EDEM3: variants seen among roughly 807,000 people sequenced by gnomAD.
EDEM3 encodes ER degradation-enhancing alpha-mannosidase-like protein 3.
In EDEM3, 60 loss-of-function variants were observed where a neutral mutation model predicts 110.2. That is an observed-to-expected ratio of 0.54 (90% CI 0.44 to 0.67). The LOEUF (loss-of-function observed/expected upper bound fraction) is 0.67. Ranked by LOEUF, EDEM3 falls within the 30% of genes least tolerant of loss-of-function variation. EDEM3 has a pLI of 0.00. For missense variants in EDEM3, 996 were observed against 1,121.0 expected, an observed-to-expected ratio of 0.89 and a Z score of 1.59; for synonymous variants, 352 against 382.9, an observed-to-expected ratio of 0.92 and a Z score of 0.94.
intron 13 of EDEM3, among the ~76,000 whole-genome samples, chr1:184,716,594 A>C (rs530613180): frequency 6.6e-6 from 1 of 152,300 alleles, no homozygotes; most frequent in Non-Finnish European, 1.5e-5. Flanking sequence ...AAGAAGAAAA[A>C]AAGCCACATT....
At chr1:184,733,103 AATTACTTAAAC>A in intron 5 of EDEM3, 113 bp from the exon 6 acceptor site, 1 of 1,102,826 alleles carries the variant, frequency 9.1e-7, no homozygotes, top group Non-Finnish European at 1.2e-6. Context: ...GAAAGACAAA[AATTACTTAAAC>A]ATTATTTACT....
chr1:184,740,598 G>A lies in EDEM3; in HGVS notation c.205-2887C>T, dbSNP rs148548299. On this transcript the variant is annotated intron_variant, in intron 2 of 19. Coordinates refer to ENST00000318130, the MANE Select transcript of EDEM3 (RefSeq NM_025191.4). ...GGTGAGTGTATGTTGCCTCCTAGTCGCCCCGTGATAATCCTATGTAATAGT... is the reference window on the plus strand; with the variant it reads ...GGTGAGTGTATGTTGCCTCCTAGTCACCCCGTGATAATCCTATGTAATAGT... 3.0e-3 allele frequency among the ~76,000 whole-genome samples: 451 copies of A among 152,168 alleles called. 5 individuals are homozygous for A. In the East Asian group the frequency reaches 0.036, roughly 12 times the overall value.
intron 13 of EDEM3, among the ~76,000 whole-genome samples, chr1:184,716,591 A>G (rs1650561995): frequency 6.6e-6 from 1 of 152,182 alleles, no homozygotes; most frequent in Admixed American, 6.5e-5. Flanking sequence ...TCAAAGAAGA[A>G]AAAAAGCCAC....
chr1:184,751,033 C>T (rs1374522357), intron 1 of EDEM3, among the ~76,000 whole-genome samples: 1 of 144,638 alleles, frequency 6.9e-6, no homozygotes, highest in Non-Finnish European at 1.5e-5. Context: ...AAATCAAGTA[C>T]ACTCAAACTT....
intron 5 of EDEM3, among the ~76,000 whole-genome samples, chr1:184,733,503 A>C (rs1371395010): frequency 6.6e-6 from 1 of 152,234 alleles, no homozygotes; most frequent in East Asian, 1.9e-4. Context: ...TAATATTGAA[A>C]CTTGAACTAA....
intron 6 of EDEM3, among the ~76,000 whole-genome samples, chr1:184,730,432 T>A (rs1571396930): frequency 6.6e-6 from 1 of 151,874 alleles, no homozygotes; most frequent in Non-Finnish European, 1.5e-5. Flanking sequence ...AAATTTTTTT[T>A]AAAAATCAGC....
At chr1:184,703,327 G>A (rs764476526) in intron 18 of EDEM3, among the ~76,000 whole-genome samples, 13 of 152,040 alleles carry the variant, frequency 8.6e-5, no homozygotes, top group Non-Finnish European at 1.0e-4. Context: ...AGAATTCTAT[G>A]ATTATGACTA....
chr1:184,705,594 T>C (rs1649869806), intron 18 of EDEM3, among the ~76,000 whole-genome samples: 2 of 152,192 alleles, frequency 1.3e-5, no homozygotes, highest in Admixed American at 1.3e-4. Context: ...TCTCCTAATG[T>C]TTATTAATAA....
At chr1:184,705,166 CAAAG>C (rs1649848884) in intron 18 of EDEM3, among the ~76,000 whole-genome samples, 1 of 152,116 alleles carries the variant, frequency 6.6e-6, no homozygotes, top group Non-Finnish European at 1.5e-5. Context: ...AAATACTACA[CAAAG>C]AAATATTTTT....
In EDEM3 at chr1:184,716,343, A is replaced by G. The variant is rs192111572; in HGVS notation, c.1370+545T>C. On this transcript the variant is annotated intron_variant, in intron 13 of 19. Transcript: ENST00000318130. ...AGATAAGTGATCTTAGAATAAGGAG[A>G]ATGCTTGTGAATTTCATGTGGAGCA... is the stretch of plus-strand genomic sequence containing the variant. Among the ~76,000 whole-genome samples, 4 of 152,262 alleles carry G rather than the reference A, an allele frequency of 2.6e-5. No homozygotes were observed. In the East Asian group the frequency reaches 5.8e-4, roughly 22 times the overall value.
chr1:184,730,112 T>C (rs947316812), intron 6 of EDEM3, among the ~76,000 whole-genome samples: 1 of 152,192 alleles, frequency 6.6e-6, no homozygotes, highest in Admixed American at 6.5e-5. Context: ...AACGGTTAAA[T>C]GACACATGTA....
At position 184,694,427 on chromosome 1, in the gene EDEM3, G is replaced by T. The variant is rs775342844; in HGVS notation, c.2435C>A (p.Ser812Tyr). 9 of 1,608,562 alleles carry T rather than the reference G, an allele frequency of 5.6e-6. No individual in the cohort carries two copies. The highest frequency in any genetic ancestry group is 6.8e-6 in the Non-Finnish European group (8 of 1,177,298). The change falls in exon 20 of 20, where the codon TCT (serine) becomes TAT (tyrosine). Residue 812 changes from serine to tyrosine, a missense_variant. Around this residue, in one of 5 missense-constraint regions of EDEM3, gnomAD observed 345 missense variants for 402.0 expected, o/e 0.86. Coordinates refer to ENST00000318130, the MANE Select transcript of EDEM3 (RefSeq NM_025191.4). ...NEEQPSSEND[S>Y]QNQSGEQISS... ...AATCTGTTCACCACTCTGATTCTGA[G>T]AATCATTTTCAGAGGATGGTTGTTC...
At chr1:184,717,459 C>A in intron 12 of EDEM3, 81 bp downstream of exon 12, 2 of 1,162,204 alleles carry the variant, frequency 1.7e-6, no homozygotes, top group South Asian at 1.4e-5. Flanking sequence ...CTCTGAAAAC[C>A]CAATTACTAT....
chr1:184,742,830 A>G (rs1445353632), intron 2 of EDEM3, among the ~76,000 whole-genome samples: 1 of 152,234 alleles, frequency 6.6e-6, no homozygotes, highest in Non-Finnish European at 1.5e-5. Flanking sequence ...AACAACACTT[A>G]GAAGAAATAC....
intron 2 of EDEM3, among the ~76,000 whole-genome samples, chr1:184,746,890 G>A (rs1223096852): frequency 6.6e-6 from 1 of 151,976 alleles, no homozygotes; most frequent in Non-Finnish European, 1.5e-5. Flanking sequence ...TATATTTTAG[G>A]ATAGTAGGCA....
At chr1:184,727,404 A>G (rs1651249295) in intron 6 of EDEM3, among the ~76,000 whole-genome samples, 2 of 152,250 alleles carry the variant, frequency 1.3e-5, no homozygotes, top group Admixed American at 1.3e-4. Flanking sequence ...CCAAGGATTC[A>G]GCCAACAAAT....
intron 2 of EDEM3, among the ~76,000 whole-genome samples, chr1:184,743,427 G>A (rs535948036): frequency 1.3e-5 from 2 of 152,136 alleles, no homozygotes; most frequent in Non-Finnish European, 1.5e-5. Context: ...CTCAGATGAT[G>A]AGAGTCCTAT....
At chr1:184,707,274 G>A (rs972469292) in intron 17 of EDEM3, among the ~76,000 whole-genome samples, 1 of 152,180 alleles carries the variant, frequency 6.6e-6, no homozygotes, top group African/African-American at 2.4e-5. Flanking sequence ...AATGGACTTA[G>A]TCTATATGAA....
At chr1:184,737,466 G>T in intron 3 of EDEM3, 145 bp downstream of exon 3, 1 of 638,092 alleles carries the variant, frequency 1.6e-6, no homozygotes, top group Non-Finnish European at 2.6e-6. Flanking sequence ...GATAACAGAA[G>T]GGAATAAAGG....
Sources: gnomAD v4.1 joint callset for allele counts (sites outside exome capture counted in the v4.1 genomes callset) on GRCh38, gnomAD v4.1.1 for gene constraint, gnomAD v4.1.1 regional missense constraint, MANE v1.5 for transcripts, NCBI Gene and HGNC (gene_info 2026-07-23, HGNC 2026-07-21) for gene names.